The following NLGN1 variants were observed in gnomAD, a reference collection of about 807,000 sequenced individuals.
NLGN1 encodes the protein neuroligin 1.
In NLGN1, 12 loss-of-function variants were observed where a neutral mutation model predicts 65.5. That is an observed-to-expected ratio of 0.18 (90% CI 0.12 to 0.30). NLGN1 has a LOEUF of 0.30. NLGN1 is among the 10% of genes least tolerant of loss of function. NLGN1 has a pLI of 1.00. For synonymous variants in NLGN1, 350 were observed against 359.5 expected, an observed-to-expected ratio of 0.97 and a Z score of 0.30; for missense variants, 750 against 1,007.1, an observed-to-expected ratio of 0.74 and a Z score of 3.46.
chr3:173,450,129 C>G (rs566857619), intron 2 of NLGN1, among the ~76,000 whole-genome samples: 1 of 152,114 alleles, frequency 6.6e-6, no homozygotes, highest in South Asian at 2.1e-4. Flanking sequence ...TTATTTTGCT[C>G]GTTAGTTGAT....
intron 2 of NLGN1, among the ~76,000 whole-genome samples, chr3:173,459,681 C>T (rs1379874222): frequency 1.3e-5 from 2 of 151,910 alleles, no homozygotes; most frequent in Non-Finnish European, 2.9e-5. Context: ...CTTAAAGATG[C>T]AAAATAAAAC....
chr3:173,807,819 A>G (rs780817402), exon 4 of NLGN1: 8 of 1,613,346 alleles, frequency 5.0e-6, no homozygotes, highest in Non-Finnish European at 6.8e-6. Context: ...TCAACTATCG[A>G]CTTGGAGTAC....
At chr3:173,533,886 G>A (rs1358404384) in intron 2 of NLGN1, among the ~76,000 whole-genome samples, 1 of 152,024 alleles carries the variant, frequency 6.6e-6, no homozygotes, top group Non-Finnish European at 1.5e-5. Flanking sequence ...GGAGGATGAG[G>A]TGAGAAGATT....
intron 4 of NLGN1, among the ~76,000 whole-genome samples, chr3:173,934,850 C>A (rs1042708774): frequency 6.6e-6 from 1 of 151,992 alleles, no homozygotes; most frequent in Non-Finnish European, 1.5e-5. Flanking sequence ...GATTTAAAAA[C>A]CCGATAATAT....
chr3:173,896,319 T>G (rs1736348871), intron 4 of NLGN1, among the ~76,000 whole-genome samples: 1 of 152,182 alleles, frequency 6.6e-6, no homozygotes, highest in Non-Finnish European at 1.5e-5. Context: ...ACCAAATAAT[T>G]ACCGTCCAGC....
At chr3:173,670,975 T>A (rs1481605474) in intron 3 of NLGN1, among the ~76,000 whole-genome samples, 3 of 152,196 alleles carry the variant, frequency 2.0e-5, no homozygotes, top group Admixed American at 6.5e-5. Flanking sequence ...CTTTTAACCG[T>A]GTAATGGCAA....
intron 4 of NLGN1, among the ~76,000 whole-genome samples, chr3:174,016,969 A>G (rs1191089468): frequency 6.6e-6 from 1 of 152,134 alleles, no homozygotes; most frequent in Non-Finnish European, 1.5e-5. Flanking sequence ...ATATTATTGC[A>G]TGGCCTATTT....
chr3:173,653,025 A>G (rs1055504057), intron 3 of NLGN1, among the ~76,000 whole-genome samples: 46 of 151,646 alleles, frequency 3.0e-4, no homozygotes, highest in Non-Finnish European at 6.8e-4. Context: ...TACCTTCTTG[A>G]TTTTGTTCTC....
At chr3:173,628,289 T>C (rs567537008) in intron 3 of NLGN1, among the ~76,000 whole-genome samples, 1 of 152,254 alleles carries the variant, frequency 6.6e-6, no homozygotes, top group African/African-American at 2.4e-5. Context: ...ACTTAGCTAC[T>C]GGGTGGTGGG....
At chr3:174,172,983 G>A (rs370170725) in intron 4 of NLGN1, among the ~76,000 whole-genome samples, 33 of 152,134 alleles carry the variant, frequency 2.2e-4, no homozygotes, top group Non-Finnish European at 2.9e-4. Context: ...TGTGTCCTCT[G>A]CAATTTCGTG....
At chr3:173,912,634 G>C (rs1739849512) in intron 4 of NLGN1, 1 of 152,118 alleles carries the variant, frequency 6.6e-6, no homozygotes, top group African/African-American at 2.4e-5. Context: ...TTAGAAAAAT[G>C]AGTTAGTAAA....
intron 3 of NLGN1, among the ~76,000 whole-genome samples, chr3:173,779,976 C>T (rs1780878058): frequency 6.6e-6 from 1 of 152,056 alleles, no homozygotes; most frequent in Non-Finnish European, 1.5e-5. Context: ...GTTGTCTTTG[C>T]CAGAAAATGT....
intron 2 of NLGN1, among the ~76,000 whole-genome samples, chr3:173,590,444 C>T (rs1315737358): frequency 6.6e-6 from 1 of 152,086 alleles, no homozygotes; most frequent in East Asian, 1.9e-4. Flanking sequence ...AGAAGGAAAG[C>T]GTTTTTTGTT....
At chr3:173,916,013 CT>C (rs1199180262) in intron 4 of NLGN1, among the ~76,000 whole-genome samples, 1 of 152,062 alleles carries the variant, frequency 6.6e-6, no homozygotes, top group Non-Finnish European at 1.5e-5. Context: ...CAGGCCTTGC[CT>C]TTACTGCAGT....
At chr3:174,264,836 G>T (rs942433905) in intron 4 of NLGN1, among the ~76,000 whole-genome samples, 8 of 151,902 alleles carry the variant, frequency 5.3e-5, no homozygotes, top group Admixed American at 2.0e-4. Context: ...GGTCTTTGAT[G>T]ATGGTGATGT....
chr3:173,447,191 GT>G (rs1386296181), intron 2 of NLGN1, among the ~76,000 whole-genome samples: 1 of 152,128 alleles, frequency 6.6e-6, no homozygotes, highest in Non-Finnish European at 1.5e-5. Context: ...GATTTTTATG[GT>G]TTTAGGTCTA....
chr3:173,834,324 T>G (rs1012394378), intron 4 of NLGN1, among the ~76,000 whole-genome samples: 5 of 152,156 alleles, frequency 3.3e-5, no homozygotes, highest in Non-Finnish European at 7.4e-5. Flanking sequence ...ACTCTTTATT[T>G]TTTGGAAAAT....
At chr3:174,138,663 T>A (rs1721694674) in intron 4 of NLGN1, among the ~76,000 whole-genome samples, 1 of 152,024 alleles carries the variant, frequency 6.6e-6, no homozygotes. Flanking sequence ...CTTGATCTCC[T>A]GACCTCGTGA....
chr3:174,293,217 G>C, the NLGN1 span, among the ~76,000 whole-genome samples: 1 of 151,382 alleles, frequency 6.6e-6, no homozygotes, highest in African/African-American at 2.4e-5. Flanking sequence ...TGCATGTGGA[G>C]GTTTTTTTTG....
Sources: gnomAD v4.1 joint callset for allele counts (sites outside exome capture counted in the v4.1 genomes callset) on GRCh38, gnomAD v4.1.1 for gene constraint, MANE v1.5 for transcripts, NCBI Gene and HGNC (gene_info 2026-07-23, HGNC 2026-07-21) for gene names.